The following CACNA2D3 variants were observed in gnomAD, a reference collection of about 807,000 sequenced individuals.
The protein encoded by CACNA2D3 is voltage-dependent calcium channel subunit alpha-2/delta-3.
CACNA2D3 carries 60 observed loss-of-function variants against 160.6 expected under a neutral mutation model. That is an observed-to-expected ratio of 0.37 (90% confidence interval 0.30 to 0.46). The LOEUF (loss-of-function observed/expected upper bound fraction) is 0.46, where lower values mean the gene tolerates loss of function less well. Among genes scored for constraint, CACNA2D3 ranks in the 20% least tolerant of loss-of-function variants. CACNA2D3 has a pLI of 1.00. For synonymous variants in CACNA2D3, 558 were observed against 492.9 expected, an observed-to-expected ratio of 1.13 and a Z score of -1.75; for missense variants, 1,205 against 1,365.0, an observed-to-expected ratio of 0.88 and a Z score of 1.85.
At chr3:54,394,268 G>C (rs1699333795) in intron 4 of CACNA2D3, among the ~76,000 whole-genome samples, 1 of 151,724 alleles carries the variant, frequency 6.6e-6, no homozygotes, top group Non-Finnish European at 1.5e-5. Context: ...CAGAATCACA[G>C]ATCCTGGTGT....
chr3:54,389,122 C>G (rs374654348), intron 4 of CACNA2D3, among the ~76,000 whole-genome samples: 178 of 152,200 alleles, frequency 1.2e-3, no homozygotes, highest in African/African-American at 3.9e-3. Context: ...TGGTGAAACC[C>G]TGTCTCTACT....
intron 2 of CACNA2D3, among the ~76,000 whole-genome samples, chr3:54,126,676 T>C (rs1699600026): frequency 6.6e-6 from 1 of 152,184 alleles, no homozygotes; most frequent in Non-Finnish European, 1.5e-5. Flanking sequence ...GTGGGACTTG[T>C]CTGTGGGCGC....
At chr3:54,827,664 G>A (rs1445491085) in intron 14 of CACNA2D3, among the ~76,000 whole-genome samples, 1 of 152,198 alleles carries the variant, frequency 6.6e-6, no homozygotes, top group Admixed American at 6.5e-5. Flanking sequence ...AAGATATTCA[G>A]TGAAGGAGCC....
Position 54,691,573 on chromosome 3 carries a change from G to C in CACNA2D3, c.1167+49332G>C, listed in dbSNP as rs1328402222. ...GAATGCCAAAAAAAAGGTGCCGAAA[G>C]TATATTGCCAGCAGACAGCTTAGAA... On this transcript the variant is annotated intron_variant, in intron 11 of 37. Transcript: ENST00000474759. Among the ~76,000 whole-genome samples, 9 of 152,210 alleles carry C rather than the reference G, an allele frequency of 5.9e-5. No homozygotes were observed. In the East Asian group the frequency reaches 1.5e-3, roughly 26 times the overall value.
chr3:54,348,917 G>A (rs751477448), intron 3 of CACNA2D3, among the ~76,000 whole-genome samples: 9 of 152,080 alleles, frequency 5.9e-5, no homozygotes, highest in African/African-American at 1.2e-4. Flanking sequence ...TAGTAGAGAC[G>A]GGGTTACACT....
intron 2 of CACNA2D3, among the ~76,000 whole-genome samples, chr3:54,135,859 G>T (rs1699805567): frequency 1.3e-5 from 2 of 152,230 alleles, no homozygotes; most frequent in Non-Finnish European, 2.9e-5. Context: ...GTCTCACAGT[G>T]AATCAGAAAT....
At chr3:54,705,980 G>C (rs1028459143) in intron 11 of CACNA2D3, among the ~76,000 whole-genome samples, 4 of 152,120 alleles carry the variant, frequency 2.6e-5, no homozygotes, top group Non-Finnish European at 5.9e-5. Context: ...AGAATGATCT[G>C]TTCCGGCTTC....
chr3:54,992,530 AC>A (rs1364215444), intron 31 of CACNA2D3, among the ~76,000 whole-genome samples: 1 of 152,132 alleles, frequency 6.6e-6, no homozygotes, highest in Non-Finnish European at 1.5e-5. Context: ...TCTCTGATCC[AC>A]AACTTCTACC....
intron 5 of CACNA2D3, among the ~76,000 whole-genome samples, chr3:54,522,294 T>A (rs899250304): frequency 6.6e-6 from 1 of 152,182 alleles, no homozygotes; most frequent in South Asian, 2.1e-4. Flanking sequence ...TTTAATGATA[T>A]TATAAATGAA....
chr3:54,532,039 A>C (rs1701814178), intron 5 of CACNA2D3, among the ~76,000 whole-genome samples: 1 of 152,124 alleles, frequency 6.6e-6, no homozygotes, highest in South Asian at 2.1e-4. Flanking sequence ...TCAAGTCTCC[A>C]CAGTGAGGGT....
intron 27 of CACNA2D3, chr3:54,924,611 T>C (rs764752335): frequency 6.2e-7 from 1 of 1,606,976 alleles, no homozygotes; most frequent in Non-Finnish European, 8.5e-7. Flanking sequence ...CAAATAGACA[T>C]GACTGACCTT....
At chr3:54,652,688 T>A (rs1699795743) in intron 11 of CACNA2D3, among the ~76,000 whole-genome samples, 3 of 151,070 alleles carry the variant, frequency 2.0e-5, no homozygotes, top group African/African-American at 7.3e-5. Context: ...ATAGGAAGGC[T>A]GGCAGCACAG....
chr3:54,435,958 G>T (rs1026066836), intron 4 of CACNA2D3, among the ~76,000 whole-genome samples: 2 of 152,074 alleles, frequency 1.3e-5, no homozygotes, highest in Non-Finnish European at 2.9e-5. Context: ...AACCTCACGG[G>T]TTACACTTAC....
intron 2 of CACNA2D3, among the ~76,000 whole-genome samples, chr3:54,169,699 GTGTGTGCAAGTGTGCA>G (rs1339666124): frequency 8.6e-5 from 13 of 151,646 alleles, no homozygotes; most frequent in African/African-American, 1.9e-4. Context: ...GTGTGCATGT[GTGTGTGCAAGTGTGCA>G]TGTGTGCAAG....
chr3:54,670,918 C>G (rs560775368), intron 11 of CACNA2D3, among the ~76,000 whole-genome samples: 1 of 152,290 alleles, frequency 6.6e-6, no homozygotes, highest in East Asian at 1.9e-4. Flanking sequence ...CTCTCCCTGC[C>G]TTCCTTCACC....
At chr3:54,363,861 T>G (rs921037594) in intron 3 of CACNA2D3, among the ~76,000 whole-genome samples, 38 of 152,152 alleles carry the variant, frequency 2.5e-4, no homozygotes, top group African/African-American at 8.9e-4. Context: ...CCCACTGGCT[T>G]CCTTCTCCTC....
intron 13 of CACNA2D3, among the ~76,000 whole-genome samples, chr3:54,807,349 A>C (rs1703159025): frequency 6.6e-6 from 1 of 152,142 alleles, no homozygotes; most frequent in Non-Finnish European, 1.5e-5. Flanking sequence ...AACTCAAACA[A>C]ATTTACAAGA....
intron 27 of CACNA2D3, among the ~76,000 whole-genome samples, chr3:54,915,056 C>A (rs1700632710): frequency 6.6e-6 from 1 of 152,208 alleles, no homozygotes; most frequent in African/African-American, 2.4e-5. Context: ...TTGATTTGCA[C>A]AGACCTTCAG....
chr3:54,745,938 C>T (rs543935712), intron 11 of CACNA2D3, among the ~76,000 whole-genome samples: 72 of 152,030 alleles, frequency 4.7e-4, no homozygotes, highest in Non-Finnish European at 9.0e-4. Flanking sequence ...CTATGATATT[C>T]GTTTGTTGAA....
Sources: allele counts gnomAD v4.1 joint callset (sites outside exome capture counted in the v4.1 genomes callset), GRCh38; gene constraint gnomAD v4.1.1; transcripts MANE v1.5; gene names NCBI Gene and HGNC (gene_info 2026-07-23, HGNC 2026-07-21).